DPP10: variants seen among roughly 807,000 people sequenced by gnomAD.
The protein encoded by DPP10 is dipeptidyl peptidase like 10.
DPP10 carries 33 observed loss-of-function variants against 120.9 expected under a neutral mutation model. That is an observed-to-expected ratio of 0.27 (90% CI 0.21 to 0.37). The LOEUF is 0.37. Among genes scored for constraint, DPP10 ranks in the 10% least tolerant of loss-of-function variants. The pLI is 1.00. For missense variants in DPP10, 816 were observed against 942.8 expected (o/e 0.87, Z 1.76); for synonymous variants, 337 against 326.1 (o/e 1.03, Z -0.36).
At chr2:114,716,431 A>G (rs1701351286) in intron 1 of DPP10, among the ~76,000 whole-genome samples, 2 of 152,208 alleles carry the variant, frequency 1.3e-5, no homozygotes, top group South Asian at 4.1e-4. Flanking sequence ...CCCGAAAACA[A>G]TAATGTAATA....
intron 1 of DPP10, among the ~76,000 whole-genome samples, chr2:115,024,967 A>T (rs538133240): frequency 1.3e-5 from 2 of 151,402 alleles, no homozygotes; most frequent in Admixed American, 6.6e-5. Flanking sequence ...CTAATTATAA[A>T]TCTTTATAAT....
At chr2:114,816,540 G>A (rs904504196) in intron 1 of DPP10, among the ~76,000 whole-genome samples, 6 of 152,030 alleles carry the variant, frequency 3.9e-5, no homozygotes, top group African/African-American at 1.4e-4. Flanking sequence ...CCACTCTTTT[G>A]AACATCTCCC....
At chr2:114,930,563 T>C (rs926284733) in intron 1 of DPP10, among the ~76,000 whole-genome samples, 1 of 152,236 alleles carries the variant, frequency 6.6e-6, no homozygotes, top group Non-Finnish European at 1.5e-5. Context: ...TGAGGTGCCA[T>C]CAGCATAACT....
chr2:115,229,932 G>A (rs1338660776), intron 1 of DPP10, among the ~76,000 whole-genome samples: 1 of 150,520 alleles, frequency 6.6e-6, no homozygotes, highest in East Asian at 1.9e-4. Flanking sequence ...TAAATTTTAG[G>A]ATTGTATTTC....
intron 1 of DPP10, among the ~76,000 whole-genome samples, chr2:114,948,912 G>T (rs559443223): frequency 1.1e-3 from 162 of 152,008 alleles, no homozygotes; most frequent in East Asian, 5.0e-3. Flanking sequence ...ACCAACAAAG[G>T]GGGTAGTGAG....
chr2:115,077,823 C>T (rs1707928119), intron 1 of DPP10, among the ~76,000 whole-genome samples: 1 of 152,212 alleles, frequency 6.6e-6, no homozygotes, highest in Non-Finnish European at 1.5e-5. Context: ...TCAGGACTTT[C>T]CTCCTTGCTA....
At chr2:114,555,513 T>C (rs1688217172) in intron 1 of DPP10, among the ~76,000 whole-genome samples, 1 of 152,160 alleles carries the variant, frequency 6.6e-6, no homozygotes, top group African/African-American at 2.4e-5. Flanking sequence ...TTACCCTGCA[T>C]GATTGGGAAA....
chr2:115,719,123 G>C (rs1050046746), intron 7 of DPP10, among the ~76,000 whole-genome samples: 5 of 152,032 alleles, frequency 3.3e-5, no homozygotes, highest in African/African-American at 1.2e-4. Flanking sequence ...GAGAAAGTCT[G>C]TTATTATATT....
chr2:114,515,755 T>TA (rs1273433331), intron 1 of DPP10, among the ~76,000 whole-genome samples: 3 of 152,162 alleles, frequency 2.0e-5, no homozygotes, highest in South Asian at 4.1e-4. Context: ...GTTGATTTTT[T>TA]ATCATTTAAT....
At chr2:115,696,434 G>A (rs961479566) in intron 7 of DPP10, among the ~76,000 whole-genome samples, 1 of 152,174 alleles carries the variant, frequency 6.6e-6, no homozygotes, top group African/African-American at 2.4e-5. Flanking sequence ...CCACAAGACA[G>A]TGGGCTGATG....
At chr2:115,532,869 C>T (rs985458420) in intron 5 of DPP10, among the ~76,000 whole-genome samples, 4 of 151,428 alleles carry the variant, frequency 2.6e-5, no homozygotes, top group African/African-American at 9.7e-5. Context: ...TTTAATTTAA[C>T]CAATAAATCT....
intron 1 of DPP10, among the ~76,000 whole-genome samples, chr2:115,189,075 A>G (rs2054673141): frequency 6.6e-6 from 1 of 152,224 alleles, no homozygotes; most frequent in Non-Finnish European, 1.5e-5. Flanking sequence ...ATTGTTATAA[A>G]TAGCACTCGA....
At chr2:114,762,068 T>A (rs1166257521) in intron 1 of DPP10, among the ~76,000 whole-genome samples, 1 of 152,190 alleles carries the variant, frequency 6.6e-6, no homozygotes, top group Non-Finnish European at 1.5e-5. Flanking sequence ...CCAGAAGAAA[T>A]TCATGAAGCA....
At chr2:115,731,920 C>T (rs560939265) in intron 8 of DPP10, among the ~76,000 whole-genome samples, 1 of 152,274 alleles carries the variant, frequency 6.6e-6, no homozygotes, top group African/African-American at 2.4e-5. Context: ...TACCCCCAAC[C>T]TCTGCTTCAA....
intron 4 of DPP10, among the ~76,000 whole-genome samples, chr2:115,520,512 AT>A (rs5833607): frequency 0.96 from 145,601 of 151,080 alleles, 70,374 homozygotes; most frequent in Non-Finnish European, 1. Flanking sequence ...CTGGAGCATG[AT>A]TTTTTTTTTT....
At chr2:114,614,692 G>T (rs1373909733) in intron 1 of DPP10, among the ~76,000 whole-genome samples, 12 of 152,164 alleles carry the variant, frequency 7.9e-5, no homozygotes, top group Admixed American at 5.2e-4. Context: ...ACTCCGGGAA[G>T]TTCCAATAAC....
chr2:115,799,168 G>T (rs1684879160), intron 19 of DPP10, among the ~76,000 whole-genome samples: 1 of 151,844 alleles, frequency 6.6e-6, no homozygotes, highest in South Asian at 2.1e-4. Flanking sequence ...TAATACCTTG[G>T]GAAAGGCTGT....
chr2:115,615,755 A>G (rs981565014), intron 5 of DPP10, among the ~76,000 whole-genome samples: 1 of 152,084 alleles, frequency 6.6e-6, no homozygotes, highest in Non-Finnish European at 1.5e-5. Context: ...AAAATGGAAG[A>G]CTCAATTAAT....
intron 1 of DPP10, among the ~76,000 whole-genome samples, chr2:114,685,820 G>A (rs1424970859): frequency 6.6e-6 from 1 of 151,912 alleles, no homozygotes; most frequent in Non-Finnish European, 1.5e-5. Flanking sequence ...CCTTGTCCGT[G>A]TGATCACAGA....
Sources: gnomAD v4.1 joint callset for allele counts (sites outside exome capture counted in the v4.1 genomes callset) on GRCh38, gnomAD v4.1.1 for gene constraint, MANE v1.5 for transcripts, NCBI Gene and HGNC (gene_info 2026-07-23, HGNC 2026-07-21) for gene names.